KCNJ16: variants seen among roughly 807,000 people sequenced by gnomAD.
The protein encoded by KCNJ16 is potassium inwardly rectifying channel subfamily J member 16, also known as inward rectifier potassium channel 16.
In KCNJ16, 15 loss-of-function variants were observed where a neutral mutation model predicts 18.5. That is an observed-to-expected ratio of 0.81 (90% CI 0.54 to 1.25). KCNJ16 has a LOEUF of 1.25. Among genes scored for constraint, KCNJ16 ranks in the 50% most tolerant of loss-of-function variants. The pLI, the probability that KCNJ16 is intolerant of heterozygous loss-of-function variation, is 0.00. For synonymous variants in KCNJ16, 174 were observed against 186.5 expected, an observed-to-expected ratio of 0.93 and a Z score of 0.55; for missense variants, 523 against 525.7, an observed-to-expected ratio of 0.99 and a Z score of 0.05.
At chr17:70,095,870 CTTTTTTTTTTTTTTTT>C (rs147216245) in intron 1 of KCNJ16, among the ~76,000 whole-genome samples, 1 of 95,402 alleles carries the variant, frequency 1.0e-5, no homozygotes, top group East Asian at 3.2e-4. Context: ...TTACTTAATC[CTTTTTTTTTTTTTTTT>C]TTTTTTTTTT....
chr17:70,103,282 A>ATGTGTGTGTGTG (rs1174742835), intron 2 of KCNJ16, among the ~76,000 whole-genome samples: 1 of 20,728 alleles, frequency 4.8e-5, no homozygotes, highest in African/African-American at 2.2e-4. Context: ...TATAATATGC[A>ATGTGTGTGTGTG]TATATGTGTG....
chr17:70,088,333 A>T (rs766150852), intron 1 of KCNJ16, among the ~76,000 whole-genome samples: 4 of 152,222 alleles, frequency 2.6e-5, no homozygotes, highest in Non-Finnish European at 5.9e-5. Context: ...TCACAATAGG[A>T]TTCGTGCTTC....
intron 1 of KCNJ16, among the ~76,000 whole-genome samples, chr17:70,083,317 T>G (rs140219032): frequency 5.9e-4 from 87 of 148,208 alleles, no homozygotes; most frequent in African/African-American, 2.0e-3. Flanking sequence ...GTATTAGATA[T>G]ATACTATATA....
In KCNJ16 at chr17:70,132,919, A is replaced by C. The variant is rs2074113028; in HGVS notation, c.832A>C (p.Ile278Leu). Residue 278 changes from isoleucine (I) to leucine (L), a missense_variant, in exon 4 of 4, where the codon ATT (isoleucine) becomes CTT (leucine). Transcript: ENST00000392671. ...AGCAGTAGCCAAAGATAACTTTGAG[A>C]TTTTGGTGACATTTATCTATACTGG... ...RKAVAKDNFEILVTFIYTGDS... is the reference protein window; with the variant it reads ...RKAVAKDNFELLVTFIYTGDS... 3 of 1,614,186 alleles carry C rather than the reference A, an allele frequency of 1.9e-6. No homozygotes were observed. The highest frequency in any genetic ancestry group is 2.5e-6 in the Non-Finnish European group (3 of 1,180,022).
At chr17:70,100,270 T>C (rs1235845126) in intron 1 of KCNJ16, among the ~76,000 whole-genome samples, 2 of 152,226 alleles carry the variant, frequency 1.3e-5, no homozygotes, top group African/African-American at 2.4e-5. Flanking sequence ...GTATTACATA[T>C]AAGTCAGACA....
chr17:70,103,331 T>TATCACACAC (rs1567789538), intron 2 of KCNJ16, among the ~76,000 whole-genome samples: 14 of 24,608 alleles, frequency 5.7e-4, no homozygotes, highest in Non-Finnish European at 3.7e-4. Flanking sequence ...TACACACACA[T>TATCACACAC]ATATATATAT....
chr17:70,099,369 A>G (rs1032984267), intron 1 of KCNJ16, among the ~76,000 whole-genome samples: 4 of 152,144 alleles, frequency 2.6e-5, no homozygotes, highest in Admixed American at 2.0e-4. Context: ...GTAGTACGAG[A>G]CTTGTTTTGC....
chr17:70,079,631 T>A (rs185840616), intron 1 of KCNJ16, among the ~76,000 whole-genome samples: 1 of 152,198 alleles, frequency 6.6e-6, no homozygotes, highest in East Asian at 1.9e-4. Flanking sequence ...TTTCATAAAA[T>A]GGATCTGCCT....
intron 2 of KCNJ16, among the ~76,000 whole-genome samples, chr17:70,104,570 C>T (rs1163082242): frequency 6.6e-6 from 1 of 152,202 alleles, no homozygotes; most frequent in South Asian, 2.1e-4. Context: ...GAAGCACACA[C>T]TTGGAAGAGG....
chr17:70,113,499 T>C (rs2073273801), intron 2 of KCNJ16, among the ~76,000 whole-genome samples: 1 of 152,172 alleles, frequency 6.6e-6, no homozygotes, highest in Non-Finnish European at 1.5e-5. Context: ...CATAGTTTTT[T>C]CCAGTCCCTT....
At chr17:70,119,877 C>T (rs1265825101) in intron 2 of KCNJ16, among the ~76,000 whole-genome samples, 1 of 152,236 alleles carries the variant, frequency 6.6e-6, no homozygotes, top group Non-Finnish European at 1.5e-5. Context: ...GGTTGCTCCA[C>T]AGCCTGCTTG....
At chr17:70,102,525 A>G (rs1037753868) in intron 2 of KCNJ16, among the ~76,000 whole-genome samples, 4 of 152,132 alleles carry the variant, frequency 2.6e-5, no homozygotes, top group African/African-American at 9.7e-5. Context: ...CGCTACCTGC[A>G]CAAGTAGTTA....
chr17:70,133,401 A>C lies in KCNJ16; in HGVS notation c.*57A>C, dbSNP rs984851720. 1 of 1,489,504 alleles carries C rather than the reference A, an allele frequency of 6.7e-7. No homozygotes were observed. 92.3% of individuals were successfully genotyped at this position (1,489,504 alleles called of 1,614,324 possible). ...AATCATTTTATCTTTCAGCCAATCA[A>C]GTCGTTGTAAACGTGGCTTTTTTGA... On this transcript the variant is annotated 3_prime_UTR_variant, in exon 4 of 4. Transcript: ENST00000392671.
intron 2 of KCNJ16, among the ~76,000 whole-genome samples, chr17:70,112,426 G>T (rs552793988): frequency 3.0e-4 from 45 of 150,924 alleles, no homozygotes; most frequent in African/African-American, 1.1e-3. Context: ...TGAGATTTGG[G>T]AGTTCAAATG....
rs2071281699 is a variant in KCNJ16 at position 70,075,827 on chromosome 17, GAA to G, written c.-300+440_-300+441del. Among the ~76,000 whole-genome samples, 5 of 74,202 alleles carry G rather than the reference GAA, an allele frequency of 6.7e-5. No homozygotes were observed. The South Asian group carries it at 1.9e-3, about 28-fold the overall frequency. 48.7% of individuals were successfully genotyped at this position (74,202 alleles called of 152,430 possible). Reference sequence around the variant, plus strand: ...ATACCCCCCTCTTAAAAAGCTCAGAGAAAATACACGTTAACTTTTTTTTATAG... The same window carrying G: ...ATACCCCCCTCTTAAAAAGCTCAGAGAATACACGTTAACTTTTTTTTATAG... On this transcript the variant is annotated intron_variant, in intron 1 of 3. Coordinates refer to ENST00000392671, the MANE Select transcript of KCNJ16 (RefSeq NM_170741.4).
intron 1 of KCNJ16, among the ~76,000 whole-genome samples, chr17:70,075,695 A>C (rs2071275735): frequency 6.6e-6 from 1 of 152,158 alleles, no homozygotes; most frequent in South Asian, 2.1e-4. Flanking sequence ...TGGCTTTATT[A>C]TATTCATACC....
At chr17:70,127,304 T>C (rs1489760456) in intron 2 of KCNJ16, among the ~76,000 whole-genome samples, 1 of 151,854 alleles carries the variant, frequency 6.6e-6, no homozygotes, top group Non-Finnish European at 1.5e-5. Context: ...AGGGAGTATT[T>C]GGAGAAGCGT....
In KCNJ16 at chr17:70,116,140, T is replaced by C. The variant is rs923442495; in HGVS notation, c.-190-14739T>C. On this transcript the variant is annotated intron_variant, in intron 2 of 3. Coordinates refer to ENST00000392671, the MANE Select transcript of KCNJ16 (RefSeq NM_170741.4). Reference sequence around the variant, plus strand: ...ACATCAAAATTAACATTTTGTTGTATATGATTCTGTTTTTTCTCCATTTTT... The same window carrying C: ...ACATCAAAATTAACATTTTGTTGTACATGATTCTGTTTTTTCTCCATTTTT... Among the ~76,000 whole-genome samples the C allele has an allele frequency of 5.3e-5, 8 of 152,210 alleles. No individual in the cohort carries two copies. The South Asian group carries it at 8.3e-4, about 16-fold the overall frequency.
At chr17:70,094,775 G>A (rs1025109560) in intron 1 of KCNJ16, among the ~76,000 whole-genome samples, 2 of 152,138 alleles carry the variant, frequency 1.3e-5, no homozygotes, top group Non-Finnish European at 2.9e-5. Context: ...AAATTGCACT[G>A]TAGGCAAATC....
Sources: gnomAD v4.1 joint callset for allele counts (sites outside exome capture counted in the v4.1 genomes callset) on GRCh38, gnomAD v4.1.1 for gene constraint, MANE v1.5 for transcripts, NCBI Gene and HGNC (gene_info 2026-07-23, HGNC 2026-07-21) for gene names.